Variants in PALM2AKAP2 observed in about 807,000 individuals in gnomAD.
PALM2AKAP2 encodes PALM2-AKAP2 fusion protein.
Under a neutral mutation model 71.5 loss-of-function variants are expected in PALM2AKAP2, and 37 were observed. That is an observed-to-expected ratio of 0.52 (90% confidence interval 0.40 to 0.68). The LOEUF is 0.68. PALM2AKAP2 is among the 30% of genes least tolerant of loss of function. The pLI is 0.00. For synonymous variants in PALM2AKAP2, 468 were observed against 478.8 expected (o/e 0.98, Z 0.29); for missense variants, 1,224 against 1,191.8 (o/e 1.03, Z -0.40).
At chr9:110,007,204 G>A (rs117783529) in intron 6 of PALM2AKAP2, among the ~76,000 whole-genome samples, 1 of 152,150 alleles carries the variant, frequency 6.6e-6, no homozygotes, top group South Asian at 2.1e-4. Flanking sequence ...TCAAACTGAG[G>A]CCATCAGGGC....
chr9:109,810,731 A>G (rs1827706039), intron 1 of PALM2AKAP2, among the ~76,000 whole-genome samples: 1 of 152,218 alleles, frequency 6.6e-6, no homozygotes, highest in Non-Finnish European at 1.5e-5. Context: ...TGAGGGCTGC[A>G]GAGAATGATC....
At chr9:110,159,329 C>G (rs1836538980) in intron 3 of PALM2AKAP2, among the ~76,000 whole-genome samples, 1 of 152,150 alleles carries the variant, frequency 6.6e-6, no homozygotes, top group Non-Finnish European at 1.5e-5. Context: ...CCAGCATCTC[C>G]CCATGTTATG....
At chr9:109,918,686 C>T (rs7040633) in intron 3 of PALM2AKAP2, among the ~76,000 whole-genome samples, 12 of 152,044 alleles carry the variant, frequency 7.9e-5, no homozygotes, top group Non-Finnish European at 1.5e-5. Context: ...CTGTTCCTTG[C>T]GAAGCTGCTT....
intron 1 of PALM2AKAP2, among the ~76,000 whole-genome samples, chr9:109,687,462 T>A (rs1007995132): frequency 3.3e-5 from 5 of 152,228 alleles, no homozygotes; most frequent in Admixed American, 1.3e-4. Flanking sequence ...CTTGCACTTT[T>A]ATGTTATGCA....
chr9:109,901,881 G>A (rs929321075), intron 3 of PALM2AKAP2, among the ~76,000 whole-genome samples: 3 of 152,200 alleles, frequency 2.0e-5, no homozygotes, highest in Admixed American at 6.5e-5. Context: ...CAAGATCATC[G>A]TGGCTGGGCC....
intron 1 of PALM2AKAP2, among the ~76,000 whole-genome samples, chr9:109,844,621 G>A (rs1411248825): frequency 6.6e-6 from 1 of 152,176 alleles, no homozygotes; most frequent in Non-Finnish European, 1.5e-5. Flanking sequence ...AAAATAAAAG[G>A]TGTATTTAAG....
intron 1 of PALM2AKAP2, among the ~76,000 whole-genome samples, chr9:109,690,147 T>C (rs1035840469): frequency 9.2e-5 from 14 of 152,134 alleles, no homozygotes; most frequent in African/African-American, 3.4e-4. Flanking sequence ...CTGTTCCCCA[T>C]ACCAGCCACT....
chr9:109,861,932 G>A (rs528120781), intron 1 of PALM2AKAP2, among the ~76,000 whole-genome samples: 77 of 152,258 alleles, frequency 5.1e-4, no homozygotes, highest in South Asian at 2.5e-3. Context: ...ACAAGTGGAA[G>A]AGAGAAAAAA....
At chr9:109,978,401 G>A (rs1832208772) in intron 6 of PALM2AKAP2, among the ~76,000 whole-genome samples, 1 of 152,136 alleles carries the variant, frequency 6.6e-6, no homozygotes, top group African/African-American at 2.4e-5. Flanking sequence ...TCTACTGTGT[G>A]TTAAACAACA....
chr9:109,673,383 G>A (rs1402240210), intron 1 of PALM2AKAP2, among the ~76,000 whole-genome samples: 1 of 152,084 alleles, frequency 6.6e-6, no homozygotes, highest in Non-Finnish European at 1.5e-5. Context: ...TCAGGAGGAG[G>A]TGATTCAATT....
chr9:109,821,881 AT>A (rs1828016247), intron 1 of PALM2AKAP2, among the ~76,000 whole-genome samples: 1 of 152,240 alleles, frequency 6.6e-6, no homozygotes, highest in Admixed American at 6.5e-5. Flanking sequence ...CTCAGATTCC[AT>A]TGCTTATAAT....
chr9:109,731,314 T>C (rs1426477630), intron 1 of PALM2AKAP2, among the ~76,000 whole-genome samples: 1 of 152,234 alleles, frequency 6.6e-6, no homozygotes, highest in African/African-American at 2.4e-5. Context: ...CTTTTCTGTG[T>C]CAAATGATGC....
At chr9:109,684,531 A>G (rs1182275352) in intron 1 of PALM2AKAP2, among the ~76,000 whole-genome samples, 1 of 152,202 alleles carries the variant, frequency 6.6e-6, no homozygotes, top group Non-Finnish European at 1.5e-5. Context: ...TTTTCTATCC[A>G]AGGTGAATTA....
chr9:109,883,774 G>C (rs764505925), intron 3 of PALM2AKAP2, among the ~76,000 whole-genome samples: 21 of 152,194 alleles, frequency 1.4e-4, no homozygotes, highest in Non-Finnish European at 2.8e-4. Context: ...AGTCCCTGTG[G>C]ATTGGCTGGC....
At chr9:109,796,525 A>G (rs930044495) in intron 1 of PALM2AKAP2, among the ~76,000 whole-genome samples, 3 of 152,232 alleles carry the variant, frequency 2.0e-5, no homozygotes, top group African/African-American at 7.2e-5. Flanking sequence ...AAGTCATGGT[A>G]TATTAGTCCA....
intron 1 of PALM2AKAP2, among the ~76,000 whole-genome samples, chr9:110,135,296 T>A: frequency 3.8e-5 from 2 of 53,224 alleles, no homozygotes; most frequent in African/African-American, 8.6e-5. Context: ...CAAAATCCCA[T>A]CTCAAAAAAA....
chr9:109,867,198 GTGTGTGTC>G (rs1275640549), intron 1 of PALM2AKAP2: 10 of 389,560 alleles, frequency 2.6e-5, no homozygotes, highest in African/African-American at 1.7e-4. Context: ...GTGTGTGTGT[GTGTGTGTC>G]TGTGTGTGTG....
intron 1 of PALM2AKAP2, among the ~76,000 whole-genome samples, chr9:110,091,984 A>T (rs1483529013): frequency 6.6e-6 from 1 of 152,180 alleles, no homozygotes; most frequent in East Asian, 1.9e-4. Flanking sequence ...CTTTTGTAAC[A>T]AATAGCACAG....
chr9:109,714,698 G>A (rs540868889), intron 1 of PALM2AKAP2, among the ~76,000 whole-genome samples: 12 of 152,202 alleles, frequency 7.9e-5, no homozygotes, highest in African/African-American at 1.2e-4. Context: ...GCTGTGGTTC[G>A]TGCCCAGGAT....
Sources: gnomAD v4.1 joint callset for allele counts (sites outside exome capture counted in the v4.1 genomes callset) on GRCh38, gnomAD v4.1.1 for gene constraint, MANE v1.5 for transcripts, NCBI Gene and HGNC (gene_info 2026-07-23, HGNC 2026-07-21) for gene names.